PPP2R2B: variants seen among roughly 807,000 people sequenced by gnomAD.
The protein encoded by PPP2R2B is protein phosphatase 2 regulatory subunit Bbeta.
A neutral mutation model predicts 46.0 loss-of-function variants in PPP2R2B; 5 were observed. The observed-to-expected ratio is 0.11, with a 90% CI of 0.06 to 0.23. The LOEUF (loss-of-function observed/expected upper bound fraction) is 0.23, where lower values mean the gene tolerates loss of function less well. Among genes scored for constraint, PPP2R2B ranks in the 10% least tolerant of loss-of-function variants. The pLI is 1.00. For missense variants in PPP2R2B, 367 were observed against 575.0 expected (o/e 0.64, Z 3.70); for synonymous variants, 215 against 206.7 (o/e 1.04, Z -0.34).
intron 5 of PPP2R2B, among the ~76,000 whole-genome samples, chr5:146,677,016 T>C (rs1777772304): frequency 6.6e-6 from 1 of 150,426 alleles, no homozygotes; most frequent in Non-Finnish European, 1.5e-5. Context: ...TCTATCTTAA[T>C]CTCTAACCTT....
intron 1 of PPP2R2B, among the ~76,000 whole-genome samples, chr5:146,986,928 A>G (rs568298951): frequency 1.3e-5 from 2 of 152,298 alleles, no homozygotes; most frequent in South Asian, 4.1e-4. Flanking sequence ...CCAAGTAGAT[A>G]CAACTCAAAC....
At chr5:146,840,172 C>T (rs777586148) in intron 2 of PPP2R2B, among the ~76,000 whole-genome samples, 17 of 152,202 alleles carry the variant, frequency 1.1e-4, no homozygotes, top group Non-Finnish European at 2.2e-4. Flanking sequence ...TAAGTACCAA[C>T]AGCTTTGGGT....
At chr5:146,857,916 A>T (rs2151389581) in intron 2 of PPP2R2B, among the ~76,000 whole-genome samples, 1 of 152,256 alleles carries the variant, frequency 6.6e-6, no homozygotes, top group Non-Finnish European at 1.5e-5. Flanking sequence ...CGAACTCCCG[A>T]CCTCAGGTGA....
intron 1 of PPP2R2B, among the ~76,000 whole-genome samples, chr5:147,041,889 C>T (rs1477737206): frequency 6.6e-6 from 1 of 152,084 alleles, no homozygotes; most frequent in African/African-American, 2.4e-5. Flanking sequence ...CCTTTAATCA[C>T]CTAGCCTTGC....
At chr5:146,778,380 C>G (rs889120942) in intron 2 of PPP2R2B, among the ~76,000 whole-genome samples, 2 of 152,130 alleles carry the variant, frequency 1.3e-5, no homozygotes, top group African/African-American at 4.8e-5. Flanking sequence ...AAGGAGAACA[C>G]CCAGGGATAT....
intron 2 of PPP2R2B, among the ~76,000 whole-genome samples, chr5:146,710,823 G>T (rs935160247): frequency 6.6e-6 from 1 of 152,218 alleles, no homozygotes; most frequent in Non-Finnish European, 1.5e-5. Context: ...GAGTTCTTGG[G>T]CAGGCCCTGT....
intron 7 of PPP2R2B, among the ~76,000 whole-genome samples, chr5:146,626,619 T>C (rs1317538185): frequency 6.6e-6 from 1 of 152,154 alleles, no homozygotes; most frequent in African/African-American, 2.4e-5. Context: ...CAGGTGCTTG[T>C]GGCTGCTTTG....
At chr5:146,676,320 C>G (rs1777710796) in intron 5 of PPP2R2B, among the ~76,000 whole-genome samples, 1 of 152,040 alleles carries the variant, frequency 6.6e-6, no homozygotes, top group South Asian at 2.1e-4. Flanking sequence ...AAAGCGAGTT[C>G]CTTAACAAGA....
chr5:146,865,998 A>T (rs1311074487), intron 2 of PPP2R2B, among the ~76,000 whole-genome samples: 1 of 152,226 alleles, frequency 6.6e-6, no homozygotes, highest in Non-Finnish European at 1.5e-5. Flanking sequence ...CTTCTAGAAC[A>T]GGGGTCAGCA....
rs555339215 is a variant in PPP2R2B at position 146,668,014 on chromosome 5, C to T, written c.448-17290G>A. On this transcript the variant is annotated intron_variant, in intron 5 of 9. Coordinates refer to ENST00000394411, the MANE Select transcript of PPP2R2B (RefSeq NM_181675.4). ...TCCCATATTCGTAATCACATCCACACCTTTTCCTAGGATATTCCTTTGTTC... is the reference window on the plus strand; with the variant it reads ...TCCCATATTCGTAATCACATCCACATCTTTTCCTAGGATATTCCTTTGTTC... 4.6e-5 allele frequency among the ~76,000 whole-genome samples: 7 copies of T among 152,330 alleles called. 1 individual carries two copies. The South Asian group carries it at 1.4e-3, about 32-fold the overall frequency.
At chr5:146,704,435 G>A (rs1443760632) in intron 2 of PPP2R2B, among the ~76,000 whole-genome samples, 1 of 152,176 alleles carries the variant, frequency 6.6e-6, no homozygotes, top group Non-Finnish European at 1.5e-5. Flanking sequence ...AAGTTTATAT[G>A]ACAATTCCAC....
intron 2 of PPP2R2B, among the ~76,000 whole-genome samples, chr5:146,735,403 A>T (rs1310126760): frequency 1.3e-5 from 2 of 151,652 alleles, no homozygotes; most frequent in African/African-American, 2.4e-5. Context: ...TTGCAGAATG[A>T]AAAGGCATGG....
chr5:147,018,043 G>GCGCACA (rs1232082609), intron 1 of PPP2R2B, among the ~76,000 whole-genome samples: 1 of 48,246 alleles, frequency 2.1e-5, no homozygotes, highest in East Asian at 4.1e-4. Flanking sequence ...GCATGCGCGC[G>GCGCACA]CACACACACA....
intron 1 of PPP2R2B, among the ~76,000 whole-genome samples, chr5:146,993,467 C>A (rs888686471): frequency 1.3e-5 from 2 of 151,766 alleles, no homozygotes; most frequent in Non-Finnish European, 2.9e-5. Context: ...GTCTCAAACT[C>A]CTGAGCTCAA....
intron 1 of PPP2R2B, among the ~76,000 whole-genome samples, chr5:146,906,006 G>A (rs970912041): frequency 6.6e-6 from 1 of 151,952 alleles, no homozygotes; most frequent in Non-Finnish European, 1.5e-5. Flanking sequence ...AGTTATAATG[G>A]AAAGCTTGTA....
chr5:146,836,720 C>T (rs1759308149), intron 2 of PPP2R2B, among the ~76,000 whole-genome samples: 1 of 152,160 alleles, frequency 6.6e-6, no homozygotes, highest in Non-Finnish European at 1.5e-5. Flanking sequence ...TGCCAAAGTT[C>T]AGAGAGATAG....
chr5:146,813,370 C>A (rs1333593023), intron 2 of PPP2R2B, among the ~76,000 whole-genome samples: 2 of 152,026 alleles, frequency 1.3e-5, no homozygotes, highest in African/African-American at 4.8e-5. Context: ...TTACCTCATG[C>A]CCAACCTCAG....
At chr5:146,627,165 G>A (rs532136852) in intron 7 of PPP2R2B, among the ~76,000 whole-genome samples, 49 of 152,304 alleles carry the variant, frequency 3.2e-4, no homozygotes, top group African/African-American at 1.1e-3. Context: ...GTCTGTGTGT[G>A]TGTTTGCAAT....
At chr5:146,691,897 T>C (rs1308038791) in intron 4 of PPP2R2B, among the ~76,000 whole-genome samples, 2 of 152,200 alleles carry the variant, frequency 1.3e-5, no homozygotes, top group East Asian at 3.9e-4. Flanking sequence ...GCTCCTTTAC[T>C]TTCCTCTTGC....
Sources: allele counts gnomAD v4.1 joint callset (sites outside exome capture counted in the v4.1 genomes callset), GRCh38; gene constraint gnomAD v4.1.1; transcripts MANE v1.5; gene names NCBI Gene and HGNC (gene_info 2026-07-23, HGNC 2026-07-21).